MAD1L1: variants seen among roughly 807,000 people sequenced by gnomAD.
The protein encoded by MAD1L1 is mitotic spindle assembly checkpoint protein MAD1.
Under a neutral mutation model 96.9 loss-of-function variants are expected in MAD1L1, and 95 were observed. That is an observed-to-expected ratio of 0.98 (90% CI 0.83 to 1.16). The LOEUF (loss-of-function observed/expected upper bound fraction) is 1.16. Ranked by LOEUF, MAD1L1 falls within the 50% of genes most tolerant of loss-of-function variation. MAD1L1 has a pLI of 0.00. For missense variants in MAD1L1, 1,007 were observed against 954.4 expected, an observed-to-expected ratio of 1.06 and a Z score of -0.73; for synonymous variants, 473 against 396.6, an observed-to-expected ratio of 1.19 and a Z score of -2.29.
intron 11 of MAD1L1, among the ~76,000 whole-genome samples, chr7:2,130,883 C>G (rs565963832): frequency 6.6e-6 from 1 of 152,202 alleles, no homozygotes. Flanking sequence ...TAAAGGCCAC[C>G]GCATCGAATC....
intron 18 of MAD1L1, among the ~76,000 whole-genome samples, chr7:1,856,327 A>G (rs545579780): frequency 5.9e-5 from 9 of 152,288 alleles, no homozygotes; most frequent in Non-Finnish European, 1.3e-4. Flanking sequence ...ACGTGGGGCC[A>G]CGCTCTGGGC....
intron 18 of MAD1L1, among the ~76,000 whole-genome samples, chr7:1,888,265 T>C (rs1052149109): frequency 7.6e-6 from 1 of 131,592 alleles, no homozygotes; most frequent in Non-Finnish European, 1.7e-5. Flanking sequence ...TATGCATGGG[T>C]GCAGCTGCCT....
intron 10 of MAD1L1, chr7:2,193,464 C>G (rs1791826524): frequency 6.6e-6 from 1 of 152,450 alleles, no homozygotes. Flanking sequence ...GCGTCCTGCT[C>G]TCTGCTGCAT....
intron 12 of MAD1L1, among the ~76,000 whole-genome samples, chr7:2,016,706 G>A (rs1414496389): frequency 6.6e-6 from 1 of 152,208 alleles, no homozygotes; most frequent in African/African-American, 2.4e-5. Flanking sequence ...TTGAGCCAGG[G>A]ACACAGGTGC....
intron 18 of MAD1L1, among the ~76,000 whole-genome samples, chr7:1,855,976 G>A (rs942639658): frequency 6.6e-6 from 1 of 152,190 alleles, no homozygotes; most frequent in Admixed American, 6.5e-5. Context: ...GCCGGCAGAC[G>A]TGGTGTCTGC....
At chr7:2,092,236 A>G (rs1786253283) in intron 11 of MAD1L1, among the ~76,000 whole-genome samples, 1 of 152,178 alleles carries the variant, frequency 6.6e-6, no homozygotes, top group African/African-American at 2.4e-5. Flanking sequence ...TCCCCCAAAG[A>G]CAAATACTCC....
chr7:1,931,901 G>A (rs1789501905), intron 17 of MAD1L1, among the ~76,000 whole-genome samples: 1 of 152,186 alleles, frequency 6.6e-6, no homozygotes, highest in African/African-American at 2.4e-5. Context: ...TTTGCCAGCT[G>A]TCTACACAGG....
chr7:1,927,402 T>TGG (rs749107066), intron 17 of MAD1L1, among the ~76,000 whole-genome samples: 3 of 152,076 alleles, frequency 2.0e-5, no homozygotes, highest in Non-Finnish European at 4.4e-5. Context: ...GTCCATAAAG[T>TGG]GGGGGATTGT....
chr7:2,061,885 C>G, intron 12 of MAD1L1, among the ~76,000 whole-genome samples: 1 of 152,254 alleles, frequency 6.6e-6, no homozygotes, highest in South Asian at 2.1e-4. Context: ...ACAAAGATAA[C>G]GTGTAATGGA....
chr7:2,030,455 C>T (rs953485746), intron 12 of MAD1L1, among the ~76,000 whole-genome samples: 2 of 152,234 alleles, frequency 1.3e-5, no homozygotes, highest in East Asian at 3.8e-4. Context: ...TTTCTTGCTT[C>T]ACTTCTTTCA....
intron 18 of MAD1L1, chr7:1,872,846 G>A (rs1261732725): frequency 1.3e-5 from 2 of 152,258 alleles, no homozygotes; most frequent in African/African-American, 4.8e-5. Context: ...GTTCTGTTTG[G>A]AGAGGACACC....
chr7:1,956,511 C>G (rs539394642), intron 16 of MAD1L1, among the ~76,000 whole-genome samples: 1 of 152,362 alleles, frequency 6.6e-6, no homozygotes, highest in East Asian at 1.9e-4. Flanking sequence ...GTCCTCTCCC[C>G]AAATGGCCAC....
chr7:1,983,766 A>T (rs1781031223), intron 14 of MAD1L1, among the ~76,000 whole-genome samples: 1 of 152,218 alleles, frequency 6.6e-6, no homozygotes, highest in South Asian at 2.1e-4. Context: ...CTGCTCAGTC[A>T]ATAGCTCCAG....
At chr7:2,027,805 ACAAAC>A (rs1783051383) in intron 12 of MAD1L1, among the ~76,000 whole-genome samples, 1 of 152,202 alleles carries the variant, frequency 6.6e-6, no homozygotes, top group Non-Finnish European at 1.5e-5. Context: ...ATGATGCAAA[ACAAAC>A]ACCAGCTATC....
At chr7:2,104,798 G>C (rs878867391) in intron 11 of MAD1L1, among the ~76,000 whole-genome samples, 1 of 152,198 alleles carries the variant, frequency 6.6e-6, no homozygotes, top group Admixed American at 6.5e-5. Flanking sequence ...TCTGAGCACA[G>C]GTCACATAAA....
chr7:2,220,759 G>A, intron 5 of MAD1L1: 2 of 1,072,206 alleles, frequency 1.9e-6, no homozygotes, highest in South Asian at 1.6e-5. Flanking sequence ...CCCACAATAT[G>A]TACGGTTTAC....
intron 12 of MAD1L1, among the ~76,000 whole-genome samples, chr7:2,045,309 G>C (rs990669777): frequency 6.6e-6 from 1 of 151,808 alleles, no homozygotes; most frequent in Non-Finnish European, 1.5e-5. Context: ...GATACCCCAC[G>C]TCCCTATGAG....
intron 10 of MAD1L1, among the ~76,000 whole-genome samples, chr7:2,198,554 C>T (rs1011479803): frequency 6.6e-6 from 1 of 152,262 alleles, no homozygotes; most frequent in Non-Finnish European, 1.5e-5. Context: ...GGACAGCAAT[C>T]GCGCTCTGCG....
At chr7:2,121,910 C>T (rs3778981) in intron 11 of MAD1L1, among the ~76,000 whole-genome samples, 6,180 of 152,182 alleles carry the variant, frequency 0.041, 184 homozygotes, top group East Asian at 0.088. Context: ...TGTGGGGACA[C>T]GTGGACACCT....
Sources: gnomAD v4.1 joint callset for allele counts (sites outside exome capture counted in the v4.1 genomes callset) on GRCh38, gnomAD v4.1.1 for gene constraint, MANE v1.5 for transcripts, NCBI Gene and HGNC (gene_info 2026-07-23, HGNC 2026-07-21) for gene names.